The following MYO1E variants were observed in gnomAD, a reference collection of about 807,000 sequenced individuals.
The protein encoded by MYO1E is myosin IE, also known as unconventional myosin-Ie.
A neutral mutation model predicts 151.1 loss-of-function variants in MYO1E; 68 were observed. That is an observed-to-expected ratio of 0.45 (90% CI 0.37 to 0.55). The LOEUF is 0.55. Ranked by LOEUF, MYO1E falls within the 20% of genes least tolerant of loss-of-function variation. The pLI is 0.00. For synonymous variants in MYO1E, 601 were observed against 501.7 expected, an observed-to-expected ratio of 1.20 and a Z score of -2.64; for missense variants, 1,363 against 1,389.3, an observed-to-expected ratio of 0.98 and a Z score of 0.30.
In MYO1E at chr15:59,306,678, T is replaced by C. The variant is rs962410639; in HGVS notation, c.4-34229A>G. ...AGGTCTCAAAGGACTTTGCTCATTG[T>C]TGATTCATCATATCCCTTAGGTTTG... On this transcript the variant is annotated intron_variant, in intron 1 of 27. Transcript: ENST00000288235. Among the ~76,000 whole-genome samples the C allele has an allele frequency of 2.0e-5, 3 of 152,378 alleles. No individual in the cohort carries two copies. In the East Asian group the frequency reaches 5.8e-4, roughly 29 times the overall value.
intron 12 of MYO1E, among the ~76,000 whole-genome samples, chr15:59,213,146 TTATTATTATTA>T (rs1566980741): frequency 2.1e-5 from 1 of 47,592 alleles, no homozygotes; most frequent in Non-Finnish European, 6.0e-5. Context: ...TTTATTATTA[TTATTATTATTA>T]TTATTATTAT....
intron 5 of MYO1E, among the ~76,000 whole-genome samples, chr15:59,234,318 A>G (rs1264842468): frequency 6.6e-6 from 1 of 152,142 alleles, no homozygotes; most frequent in Non-Finnish European, 1.5e-5. Context: ...AAATATTCTC[A>G]GTTTTAAAGT....
chr15:59,347,861 C>T (rs1450680652), intron 1 of MYO1E, among the ~76,000 whole-genome samples: 1 of 152,072 alleles, frequency 6.6e-6, no homozygotes, highest in Non-Finnish European at 1.5e-5. Flanking sequence ...CAAAAAAGTT[C>T]TAGAGAAAAT....
At chr15:59,364,888 G>A (rs188345438) in intron 1 of MYO1E, among the ~76,000 whole-genome samples, 11 of 152,138 alleles carry the variant, frequency 7.2e-5, no homozygotes, top group South Asian at 2.1e-4. Context: ...CAGCCTGGGC[G>A]ACAGAGTGAG....
intron 1 of MYO1E, among the ~76,000 whole-genome samples, chr15:59,371,264 C>T (rs2080942629): frequency 6.6e-6 from 1 of 152,074 alleles, no homozygotes; most frequent in Admixed American, 6.6e-5. Context: ...CCTCAGGCTG[C>T]TCACCGGGAT....
At chr15:59,349,358 G>T (rs2080811316) in intron 1 of MYO1E, among the ~76,000 whole-genome samples, 1 of 152,020 alleles carries the variant, frequency 6.6e-6, no homozygotes. Flanking sequence ...TCTAGACAAG[G>T]CTGTGATTCC....
intron 1 of MYO1E, among the ~76,000 whole-genome samples, chr15:59,273,806 T>G (rs1287334458): frequency 1.3e-5 from 2 of 152,108 alleles, no homozygotes; most frequent in Non-Finnish European, 2.9e-5. Context: ...CTACTGGGAG[T>G]GTCGCCAGTG....
chr15:59,309,117 A>C (rs1257931830), intron 1 of MYO1E, among the ~76,000 whole-genome samples: 1 of 152,090 alleles, frequency 6.6e-6, no homozygotes, highest in Non-Finnish European at 1.5e-5. Context: ...TTGTCTCTAA[A>C]AATAAATTAA....
At chr15:59,192,321 G>A (rs1280556669) in intron 17 of MYO1E, among the ~76,000 whole-genome samples, 1 of 151,322 alleles carries the variant, frequency 6.6e-6, no homozygotes, top group Non-Finnish European at 1.5e-5. Flanking sequence ...AAAGAAAAGA[G>A]AAAATACCAT....
chr15:59,156,556 C>T (rs1164765084), intron 25 of MYO1E, among the ~76,000 whole-genome samples: 1 of 152,132 alleles, frequency 6.6e-6, no homozygotes, highest in Non-Finnish European at 1.5e-5. Flanking sequence ...CTCTAACTTC[C>T]GGTCTCAAGC....
intron 1 of MYO1E, among the ~76,000 whole-genome samples, chr15:59,353,977 G>A (rs753286579): frequency 1.3e-5 from 2 of 152,068 alleles, no homozygotes; most frequent in Non-Finnish European, 2.9e-5. Flanking sequence ...GAAAAAATGT[G>A]CATATTTTAT....
intron 1 of MYO1E, among the ~76,000 whole-genome samples, chr15:59,355,866 C>T (rs1197471674): frequency 1.3e-5 from 2 of 152,092 alleles, no homozygotes; most frequent in Admixed American, 1.3e-4. Flanking sequence ...CAGGCACACA[C>T]CACGATGTCT....
At position 59,132,499 on chromosome 15, in the gene MYO1E, G is replaced by C. The variant is rs1185978428; in HGVS notation, c.*4881C>G. 6.6e-6 allele frequency: 1 copy of C among 152,090 alleles called. No individual in the cohort carries two copies. Among genetic ancestry groups the C allele is most frequent in the African/African-American group, 2.4e-5 (1 of 41,410 alleles). The allele number at this position is 152,090 out of a possible 1,614,324, so 9.4% of individuals were successfully genotyped here. A position where few individuals can be genotyped will look rare whatever the true frequency, so the allele number is the denominator to read the frequency against. On this transcript the variant is annotated 3_prime_UTR_variant, in exon 28 of 28. Coordinates refer to ENST00000288235, the MANE Select transcript of MYO1E (RefSeq NM_004998.4). ...TGTCCTGACTTAGGAAATTCTTCCA[G>C]GATGTCATAAAAAAAGACCTTTAAG...
intron 6 of MYO1E, among the ~76,000 whole-genome samples, chr15:59,230,786 A>C (rs1221751984): frequency 1.3e-5 from 2 of 152,262 alleles, no homozygotes; most frequent in Admixed American, 6.5e-5. Context: ...TAGACAGTGG[A>C]AAAGAAAATT....
At chr15:59,322,884 G>A (rs373597395) in intron 1 of MYO1E, among the ~76,000 whole-genome samples, 33 of 151,920 alleles carry the variant, frequency 2.2e-4, no homozygotes, top group African/African-American at 6.0e-4. Context: ...CTTTCTGGCC[G>A]GGCACGGTGG....
intron 6 of MYO1E, among the ~76,000 whole-genome samples, chr15:59,228,941 T>C (rs1397410159): frequency 1.3e-5 from 2 of 152,208 alleles, no homozygotes; most frequent in African/African-American, 4.8e-5. Flanking sequence ...CTGATGATTC[T>C]TTTCCTCCAG....
intron 9 of MYO1E, among the ~76,000 whole-genome samples, chr15:59,221,012 AT>A (rs1320357635): frequency 6.9e-6 from 1 of 145,450 alleles, no homozygotes; most frequent in Admixed American, 6.9e-5. Flanking sequence ...TATATATAAT[AT>A]ATATATAAAA....
chr15:59,153,546 A>G, intron 26 of MYO1E, 44 bp downstream of exon 26: 1 of 1,583,232 alleles, frequency 6.3e-7, no homozygotes, highest in Non-Finnish European at 8.7e-7. Context: ...TGAATGATGG[A>G]GATGGAGCTT....
chr15:59,140,510 T>C (rs983770100), intron 26 of MYO1E, among the ~76,000 whole-genome samples: 10 of 152,206 alleles, frequency 6.6e-5, no homozygotes, highest in African/African-American at 1.4e-4. Flanking sequence ...CCTCAAGAAG[T>C]TGGGCTGGAC....
Sources: gnomAD v4.1 joint callset for allele counts (sites outside exome capture counted in the v4.1 genomes callset) on GRCh38, gnomAD v4.1.1 for gene constraint, MANE v1.5 for transcripts, NCBI Gene and HGNC (gene_info 2026-07-23, HGNC 2026-07-21) for gene names.